Variants in SNW1 observed in about 807,000 individuals in gnomAD.
The protein encoded by SNW1 is SNW domain containing 1, also known as SNW domain-containing protein 1.
Under a neutral mutation model 75.6 loss-of-function variants are expected in SNW1, and 9 were observed. The observed-to-expected ratio is 0.12, with a 90% CI of 0.07 to 0.21. The LOEUF is 0.21. SNW1 is among the 10% of genes least tolerant of loss of function. The probability of loss-of-function intolerance (pLI) is 1.00; values close to 1 mark genes in which losing one functional copy is unlikely to be tolerated. For synonymous variants in SNW1, 200 were observed against 219.1 expected (o/e 0.91, Z 0.77); for missense variants, 409 against 670.9 (o/e 0.61, Z 4.31).
chr14:77,726,465 A>G (rs111449468), intron 10 of SNW1, among the ~76,000 whole-genome samples: 9,832 of 152,022 alleles, frequency 0.065, 377 homozygotes, highest in African/African-American at 0.096. Context: ...AGCCTCTTCA[A>G]TTACTTTCAT....
intron 10 of SNW1, 47 bp from the exon 11 acceptor site, chr14:77,723,324 T>C: frequency 1.5e-6 from 2 of 1,326,364 alleles, no homozygotes; most frequent in African/African-American, 1.4e-5. Flanking sequence ...GTATTATATG[T>C]GTGCATACGT....
intron 12 of SNW1, among the ~76,000 whole-genome samples, chr14:77,720,247 G>A (rs1049347546): frequency 1.5e-5 from 2 of 130,974 alleles, no homozygotes; most frequent in Non-Finnish European, 3.3e-5. Context: ...CAATTCTCGT[G>A]CCTCAGCCTC....
At position 77,753,052 on chromosome 14, in the gene SNW1, T is replaced by G. The variant is rs370573306; in HGVS notation, c.169-1572A>C. Among the ~76,000 whole-genome samples, 32 of 152,330 alleles carry G rather than the reference T, an allele frequency of 2.1e-4. No individual in the cohort carries two copies. The East Asian group carries it at 5.8e-3, about 28-fold the overall frequency. ...CTGTAGCATTATGTGGTCATTAAGC[T>G]TGCCAGAAAATCATAGCTTTTATTT... On this transcript the variant is annotated intron_variant, in intron 2 of 13. Transcript: ENST00000261531.
intron 1 of SNW1, among the ~76,000 whole-genome samples, chr14:77,758,370 TTCTCCAGA>T (rs1378112159): frequency 1.3e-5 from 2 of 149,294 alleles, no homozygotes; most frequent in Non-Finnish European, 3.0e-5. Context: ...TAGAAAATTC[TTCTCCAGA>T]TCTCCAGATC....
At chr14:77,728,176 G>A (rs1474820536) in intron 10 of SNW1, among the ~76,000 whole-genome samples, 1 of 152,088 alleles carries the variant, frequency 6.6e-6, no homozygotes, top group African/African-American at 2.4e-5. Context: ...AAGGCTGGGT[G>A]TGGTGGCTCA....
At chr14:77,758,212 C>A (rs560787823) in intron 1 of SNW1, among the ~76,000 whole-genome samples, 8 of 148,288 alleles carry the variant, frequency 5.4e-5, no homozygotes, top group Non-Finnish European at 1.5e-5. Context: ...CGCCTGTAAT[C>A]CCAGCTGAGG....
chr14:77,736,901 C>G, intron 6 of SNW1, 70 bp downstream of exon 6: 3 of 1,161,014 alleles, frequency 2.6e-6, no homozygotes, highest in Non-Finnish European at 2.6e-6. Context: ...TGGCTTCTTT[C>G]ACTCAGCATA....
chr14:77,733,934 T>G (rs757923615), intron 8 of SNW1: 5 of 446,264 alleles, frequency 1.1e-5, no homozygotes, highest in Non-Finnish European at 2.2e-5. Flanking sequence ...TGTTGACTTT[T>G]AGTCCATGGT....
At chr14:77,751,818 ACACACACACACACACACACACACACAC>A (rs935931160) in intron 2 of SNW1, among the ~76,000 whole-genome samples, 1 of 118,168 alleles carries the variant, frequency 8.5e-6, no homozygotes, top group Non-Finnish European at 1.8e-5. Flanking sequence ...ACACACACAC[ACACACACACACACACACACACACACAC>A]CACACACACA....
In SNW1 at chr14:77,731,029, G is replaced by T; in HGVS notation, c.992C>A (p.Ala331Asp). ...TTTGATCCCAGCTCTTCTCTCCCTG[G>T]CTTTCTGGGCCATTTCTCTAAGTTT... ...EEKLREMAQK[A>D]RERRAGIKTH... Residue 331 changes from alanine to aspartate, a missense_variant, in exon 10 of 14, where the codon GCC (alanine) becomes GAC (aspartate). Around this residue, in one of 9 missense-constraint regions of SNW1, gnomAD observed 37 missense variants for 110.0 expected, o/e 0.34. Coordinates refer to ENST00000261531, the MANE Select transcript of SNW1 (RefSeq NM_012245.3). The T allele has an allele frequency of 6.2e-7, 1 of 1,613,744 alleles. No homozygotes were observed. The highest frequency in any genetic ancestry group is 1.1e-5 in the South Asian group (1 of 91,076).
chr14:77,725,284 G>GA (rs762028370), intron 10 of SNW1, among the ~76,000 whole-genome samples: 1 of 152,116 alleles, frequency 6.6e-6, no homozygotes, highest in Non-Finnish European at 1.5e-5. Context: ...CCATTCTGTA[G>GA]GTGGCCTCTT....
chr14:77,750,625 C>A (rs36006426), intron 3 of SNW1, among the ~76,000 whole-genome samples: 1 of 151,454 alleles, frequency 6.6e-6, no homozygotes, highest in Non-Finnish European at 1.5e-5. Flanking sequence ...ATCATCAGTT[C>A]TAAGGAAATC....
chr14:77,750,283 C>T (rs181154495), intron 3 of SNW1, among the ~76,000 whole-genome samples: 116 of 152,074 alleles, frequency 7.6e-4, no homozygotes, highest in Non-Finnish European at 9.1e-4. Flanking sequence ...AAGTAAAAGT[C>T]GAGGAAAAAG....
chr14:77,728,764 C>T (rs1199521453), intron 10 of SNW1, among the ~76,000 whole-genome samples: 1 of 152,142 alleles, frequency 6.6e-6, no homozygotes, highest in Non-Finnish European at 1.5e-5. Context: ...TTAGTTTCCT[C>T]CTCTGTAAAA....
chr14:77,760,897 G>A (rs1221696064), intron 1 of SNW1: 2 of 1,028,468 alleles, frequency 1.9e-6, no homozygotes, highest in Non-Finnish European at 3.0e-6. Flanking sequence ...TTTCGGCCTC[G>A]GTGAGCGGGT....
In SNW1 at chr14:77,761,095, A is replaced by T. The variant is rs780748387; in HGVS notation, c.14+19T>A. The T allele has an allele frequency of 2.4e-5, 38 of 1,614,036 alleles. No individual in the cohort carries two copies. In the Admixed American group the frequency reaches 6.3e-4, roughly 27 times the overall value. On this transcript the variant is annotated intron_variant, in intron 1 of 13. Transcript: ENST00000261531. ...ACTCCCAGACCCTTCCGTATCGAGG[A>T]CCCCAATCAACAACCCACCTGGTGA...
chr14:77,717,844 G>A lies in SNW1; in HGVS notation c.*244C>T. ...GTAAGTGGTCTTGACTTTGTATGTG[G>A]GGCAGCATGTTCTATAAATGCTGAA... On this transcript the variant is annotated 3_prime_UTR_variant, in exon 14 of 14. Coordinates refer to ENST00000261531, the MANE Select transcript of SNW1 (RefSeq NM_012245.3). 2 of 557,040 alleles carry A rather than the reference G, an allele frequency of 3.6e-6. No homozygotes were observed. Among genetic ancestry groups the A allele is most frequent in the Non-Finnish European group, 3.1e-6 (1 of 317,736 alleles). 34.5% of individuals were successfully genotyped at this position (557,040 alleles called of 1,614,324 possible).
intron 7 of SNW1, 114 bp downstream of exon 7, chr14:77,735,819 TAAAA>T: frequency 4.6e-6 from 3 of 655,252 alleles, no homozygotes; most frequent in Admixed American, 3.1e-5. Flanking sequence ...TCTTGAAAAA[TAAAA>T]AAAGAAACTA....
chr14:77,727,646 C>T (rs2080596136), intron 10 of SNW1, among the ~76,000 whole-genome samples: 1 of 152,048 alleles, frequency 6.6e-6, no homozygotes, highest in Admixed American at 6.5e-5. Flanking sequence ...TGAAATGATG[C>T]TATGGTTCTT....
Sources: allele counts gnomAD v4.1 joint callset (sites outside exome capture counted in the v4.1 genomes callset), GRCh38; gene constraint gnomAD v4.1.1; regional missense constraint gnomAD v4.1.1; transcripts MANE v1.5; gene names NCBI Gene and HGNC (gene_info 2026-07-23, HGNC 2026-07-21).